Variants in FGF13 observed in about 807,000 individuals in gnomAD.
FGF13 encodes fibroblast growth factor homologous factor 2.
In FGF13, 2 loss-of-function variants were observed where a neutral mutation model predicts 19.5. The ratio of observed to expected loss-of-function variants is 0.10; its 90% CI spans 0.04 to 0.32. FGF13 has a LOEUF of 0.32. FGF13 is among the 10% of genes least tolerant of loss of function. The pLI, the probability that FGF13 is intolerant of heterozygous loss-of-function variation, is 1.00. For synonymous variants in FGF13, 72 were observed against 76.9 expected, an observed-to-expected ratio of 0.94 and a Z score of 0.33; for missense variants, 113 against 192.7, an observed-to-expected ratio of 0.59 and a Z score of 2.45.
At chrX:138,665,475 TG>T (rs2089532879) in intron 3 of FGF13, among the ~76,000 whole-genome samples, 1 of 111,501 alleles carries the variant, frequency 9.0e-6, no homozygotes, top group African/African-American at 3.2e-5. Context: ...AAAATAATTT[TG>T]GAAGATTTTG....
chrX:138,780,028 G>T (rs1208529310), intron 3 of FGF13, among the ~76,000 whole-genome samples: 177 of 101,512 alleles, frequency 1.7e-3, no homozygotes, highest in Non-Finnish European at 2.6e-3. Context: ...TTAAAGAAAA[G>T]AATTTTCAAC....
intron 1 of FGF13, among the ~76,000 whole-genome samples, chrX:138,869,576 C>T (rs1031387668): frequency 4.5e-5 from 5 of 111,885 alleles, no homozygotes; most frequent in Non-Finnish European, 9.4e-5. Flanking sequence ...TCAATTTGGC[C>T]CCAACATTGT....
intron 1 of FGF13, among the ~76,000 whole-genome samples, chrX:139,056,143 G>T (rs946074360): frequency 3.6e-5 from 4 of 112,388 alleles, no homozygotes; most frequent in African/African-American, 1.3e-4. Flanking sequence ...CTCCAGCAAA[G>T]AATCTAAAAG....
intron 1 of FGF13, among the ~76,000 whole-genome samples, chrX:138,732,751 GA>G (rs1031885812): frequency 8.3e-5 from 9 of 108,771 alleles, no homozygotes; most frequent in East Asian, 2.9e-4. Context: ...CACTTAAATT[GA>G]AAAAAAAACT....
At chrX:138,868,855 G>C (rs1301928264) in intron 1 of FGF13, among the ~76,000 whole-genome samples, 1 of 110,507 alleles carries the variant, frequency 9.0e-6, no homozygotes, top group Non-Finnish European at 1.9e-5. Context: ...GGTCCTGATG[G>C]TTGCCCGAAA....
intron 3 of FGF13, among the ~76,000 whole-genome samples, chrX:138,756,468 A>C (rs2124323742): frequency 8.9e-6 from 1 of 112,684 alleles, no homozygotes; most frequent in African/African-American, 3.2e-5. Context: ...TGGCAGCATT[A>C]GCTAATGATT....
chrX:138,964,531 T>C (rs7057737), intron 1 of FGF13, among the ~76,000 whole-genome samples: 2,155 of 111,833 alleles, frequency 0.019, 66 homozygotes, highest in African/African-American at 0.066. Context: ...TCAAACAGTA[T>C]GTAATTCCAG....
At chrX:138,653,345 T>A in intron 3 of FGF13, among the ~76,000 whole-genome samples, 1 of 110,940 alleles carries the variant, frequency 9.0e-6, no homozygotes, top group African/African-American at 3.3e-5. Flanking sequence ...ACGCTTCCAA[T>A]GTTGTTTAGA....
intron 1 of FGF13, among the ~76,000 whole-genome samples, chrX:138,984,623 A>AGAG (rs200099451): frequency 4.2e-5 from 1 of 23,799 alleles, no homozygotes; most frequent in African/African-American, 1.4e-4. Context: ...AGGATGAGGA[A>AGAG]GAGGAGGAGG....
chrX:138,875,941 G>C (rs975309455), intron 1 of FGF13, among the ~76,000 whole-genome samples: 1 of 109,635 alleles, frequency 9.1e-6, no homozygotes, highest in Non-Finnish European at 1.9e-5. Context: ...CTTGGGACTT[G>C]CATACCTGCA....
chrX:139,003,471 G>C (rs1157572064), intron 1 of FGF13, among the ~76,000 whole-genome samples: 2 of 111,863 alleles, frequency 1.8e-5, no homozygotes, highest in Non-Finnish European at 3.8e-5. Flanking sequence ...GCTGGCTCGG[G>C]CAGCCTGCTT....
chrX:138,860,051 A>G (rs771003006), intron 2 of FGF13, among the ~76,000 whole-genome samples: 1 of 111,445 alleles, frequency 9.0e-6, no homozygotes, highest in East Asian at 2.8e-4. Context: ...AAACAGAAAA[A>G]AAAAGAGTAG....
chrX:139,004,230 C>T (rs1320622626), intron 1 of FGF13, among the ~76,000 whole-genome samples: 2 of 112,771 alleles, frequency 1.8e-5, no homozygotes, highest in African/African-American at 6.4e-5. Flanking sequence ...GCTGGCACTG[C>T]TGGGGGACCC....
chrX:138,842,996 A>T (rs145267864), intron 3 of FGF13, among the ~76,000 whole-genome samples: 2,328 of 111,965 alleles, frequency 0.021, 32 homozygotes, highest in Non-Finnish European at 0.032. Context: ...TTTTTAAGCC[A>T]ATGTTATTCA....
chrX:139,045,933 C>T (rs919825205), intron 1 of FGF13, among the ~76,000 whole-genome samples: 1 of 111,877 alleles, frequency 8.9e-6, no homozygotes, highest in Non-Finnish European at 1.9e-5. Context: ...AACCTATGCT[C>T]GTTACCCAGT....
At chrX:138,987,058 G>T (rs1453166809) in intron 1 of FGF13, among the ~76,000 whole-genome samples, 1 of 111,998 alleles carries the variant, frequency 8.9e-6, no homozygotes, top group Non-Finnish European at 1.9e-5. Context: ...CTGAAGGCAT[G>T]TATGGAGTTA....
chrX:138,893,814 G>A (rs973902060), intron 1 of FGF13, among the ~76,000 whole-genome samples: 7 of 111,033 alleles, frequency 6.3e-5, no homozygotes. Context: ...GCTATTATGG[G>A]TAAACAGACT....
At chrX:138,944,798 A>G (rs2091774509) in intron 1 of FGF13, among the ~76,000 whole-genome samples, 1 of 111,561 alleles carries the variant, frequency 9.0e-6, no homozygotes. Context: ...CTCAAATATG[A>G]CTAGATATTA....
chrX:139,027,007 G>A (rs1016994355), intron 1 of FGF13, among the ~76,000 whole-genome samples: 1 of 112,007 alleles, frequency 8.9e-6, no homozygotes, highest in East Asian at 2.8e-4. Flanking sequence ...AATAGACATA[G>A]GAGGTGAAAC....
Sources: gnomAD v4.1 joint callset for allele counts (sites outside exome capture counted in the v4.1 genomes callset) on GRCh38, gnomAD v4.1.1 for gene constraint, MANE v1.5 for transcripts, NCBI Gene and HGNC (gene_info 2026-07-23, HGNC 2026-07-21) for gene names.